Variants in NEMP2 observed in about 807,000 individuals in gnomAD.
NEMP2 encodes nuclear envelope integral membrane protein 2, also known as UPF0571 transmembrane protein.
A neutral mutation model predicts 54.2 loss-of-function variants in NEMP2; 53 were observed. The observed-to-expected ratio is 0.98, with a 90% CI of 0.78 to 1.23. The LOEUF (loss-of-function observed/expected upper bound fraction) is 1.23, where lower values mean the gene tolerates loss of function less well. Among genes scored for constraint, NEMP2 ranks in the 50% most tolerant of loss-of-function variants. The pLI is 0.00. For synonymous variants in NEMP2, 197 were observed against 190.3 expected, an observed-to-expected ratio of 1.04 and a Z score of -0.29; for missense variants, 455 against 511.3, an observed-to-expected ratio of 0.89 and a Z score of 1.06.
At chr2:190,436,174 A>G in the NEMP2 span, 1 of 1,614,098 alleles carries the variant, frequency 6.2e-7, no homozygotes, top group Non-Finnish European at 8.5e-7. The surrounding 1 kb of genome is among the most constrained non-coding windows in gnomAD (Gnocchi z 5.3). Flanking sequence ...AACATCTGCT[A>G]TTCCTGAGGA....
the NEMP2 span, among the ~76,000 whole-genome samples, chr2:190,471,787 GCCT>G: frequency 6.6e-6 from 1 of 152,232 alleles, no homozygotes; most frequent in Non-Finnish European, 1.5e-5. The surrounding 1 kb of genome is among the most constrained non-coding windows in gnomAD (Gnocchi z 4.7). Context: ...CAGACAGACT[GCCT>G]CCTCAAGTGG....
the NEMP2 span, among the ~76,000 whole-genome samples, chr2:190,443,828 GAGGATGTCTTGAGCCC>G: frequency 6.6e-6 from 1 of 152,202 alleles, no homozygotes; most frequent in Non-Finnish European, 1.5e-5. The surrounding 1 kb of genome is among the most constrained non-coding windows in gnomAD (Gnocchi z 4.2). Context: ...GCTGAGGCAG[GAGGATGTCTTGAGCCC>G]AGGAGTTCGA....
chr2:190,628,514 T>C, the NEMP2 span: 1 of 152,450 alleles, frequency 6.6e-6, no homozygotes, highest in South Asian at 2.1e-4. This position sits in a 1 kb window ranked among gnomAD's most constrained non-coding sequence, Gnocchi z 4.1. Context: ...CTCCAGTCTC[T>C]GTTATCTCAG....
the NEMP2 span, among the ~76,000 whole-genome samples, chr2:190,430,610 T>A: frequency 6.6e-6 from 1 of 152,114 alleles, no homozygotes; most frequent in Non-Finnish European, 1.5e-5. Flanking sequence ...TGCTTCTTTC[T>A]ACACAGACAC....
At chr2:190,447,384 A>G in the NEMP2 span, among the ~76,000 whole-genome samples, 2 of 152,204 alleles carry the variant, frequency 1.3e-5, no homozygotes, top group African/African-American at 2.4e-5. The surrounding 1 kb of genome is among the most constrained non-coding windows in gnomAD (Gnocchi z 4.5). Flanking sequence ...TTTTGTGCCA[A>G]CTAGAGAGCT....
the NEMP2 span, among the ~76,000 whole-genome samples, chr2:190,563,046 ACTAT>A: frequency 2.0e-5 from 3 of 152,250 alleles, no homozygotes; most frequent in East Asian, 5.8e-4. This position sits in a 1 kb window ranked among gnomAD's most constrained non-coding sequence, Gnocchi z 4.3. Flanking sequence ...ACACAAAATG[ACTAT>A]CTGTATGATA....
the NEMP2 span, among the ~76,000 whole-genome samples, chr2:190,480,454 T>G: frequency 2.6e-5 from 4 of 152,234 alleles, no homozygotes; most frequent in Non-Finnish European, 5.9e-5. Flanking sequence ...ATTAAGTATC[T>G]GAAGAAAATT....
the NEMP2 span, among the ~76,000 whole-genome samples, chr2:190,586,138 A>G: frequency 3.9e-5 from 6 of 152,286 alleles, no homozygotes; most frequent in Non-Finnish European, 7.3e-5. The surrounding 1 kb of genome is among the most constrained non-coding windows in gnomAD (Gnocchi z 4.5). Context: ...AAACATATTC[A>G]ATGCCTAAAT....
chr2:190,568,818 A>C, the NEMP2 span, among the ~76,000 whole-genome samples: 2 of 152,202 alleles, frequency 1.3e-5, no homozygotes, highest in African/African-American at 2.4e-5. This position sits in a 1 kb window ranked among gnomAD's most constrained non-coding sequence, Gnocchi z 4.7. Context: ...GCAAAACTCC[A>C]TCTCAAAACA....
the NEMP2 span, among the ~76,000 whole-genome samples, chr2:190,485,456 G>A: frequency 6.6e-6 from 1 of 151,924 alleles, no homozygotes; most frequent in African/African-American, 2.4e-5. This position sits in a 1 kb window ranked among gnomAD's most constrained non-coding sequence, Gnocchi z 5.1. Flanking sequence ...ATCTGTGTTG[G>A]ATTTTGCTAT....
chr2:190,627,693 A>G, the NEMP2 span, among the ~76,000 whole-genome samples: 1 of 152,030 alleles, frequency 6.6e-6, no homozygotes, highest in Admixed American at 6.5e-5. The surrounding 1 kb of genome is among the most constrained non-coding windows in gnomAD (Gnocchi z 4.4). Context: ...ATATTCCTGC[A>G]GAAAACTTAG....
the NEMP2 span, among the ~76,000 whole-genome samples, chr2:190,496,134 A>G: frequency 6.6e-6 from 1 of 151,962 alleles, no homozygotes; most frequent in African/African-American, 2.4e-5. The surrounding 1 kb of genome is among the most constrained non-coding windows in gnomAD (Gnocchi z 4.7). Flanking sequence ...AACTCAAACA[A>G]ATTAGCAAGA....
downstream of NEMP2, chr2:190,500,337 A>T (rs1211578766): frequency 1.0e-6 from 1 of 993,928 alleles, no homozygotes; most frequent in Non-Finnish European, 1.5e-6. This position sits in a 1 kb window ranked among gnomAD's most constrained non-coding sequence, Gnocchi z 5.3. Context: ...ATATGCTTCT[A>T]AATATCTAAA....
the NEMP2 span, among the ~76,000 whole-genome samples, chr2:190,428,572 T>G: frequency 4.0e-4 from 61 of 152,354 alleles, no homozygotes; most frequent in East Asian, 0.01. Flanking sequence ...CTGTTCAGCC[T>G]TCTAAATCCA....
chr2:190,636,053 C>T, the NEMP2 span, among the ~76,000 whole-genome samples: 8 of 152,114 alleles, frequency 5.3e-5, no homozygotes, highest in Non-Finnish European at 1.0e-4. Flanking sequence ...TTTGTAGAGA[C>T]GGGATCTCAT....
chr2:190,608,475 T>C, the NEMP2 span: 1 of 152,206 alleles, frequency 6.6e-6, no homozygotes, highest in Non-Finnish European at 1.5e-5. This position sits in a 1 kb window ranked among gnomAD's most constrained non-coding sequence, Gnocchi z 4.9. Context: ...CCATAGAGTA[T>C]GATAAGTGCT....
the NEMP2 span, among the ~76,000 whole-genome samples, chr2:190,637,716 T>C: frequency 6.6e-6 from 1 of 152,156 alleles, no homozygotes; most frequent in Non-Finnish European, 1.5e-5. This position sits in a 1 kb window ranked among gnomAD's most constrained non-coding sequence, Gnocchi z 4.5. Flanking sequence ...ACCAGAACCA[T>C]CACTCTTTCT....
the NEMP2 span, among the ~76,000 whole-genome samples, chr2:190,550,708 C>G: frequency 5.9e-5 from 9 of 152,256 alleles, no homozygotes; most frequent in African/African-American, 2.2e-4. The surrounding 1 kb of genome is among the most constrained non-coding windows in gnomAD (Gnocchi z 4.7). Context: ...ATGTTATGCT[C>G]TCTCTTAACT....
Position 190,521,559 on chromosome 2 carries a change from C to T in NEMP2, c.214-2376G>A, listed in dbSNP as rs1690750998. Reference sequence around the variant, plus strand: ...CTCCACTTTTCCCTCCAACTACCACCCATTTCTTTGCTTCTTGTTGCAATA... The same window carrying T: ...CTCCACTTTTCCCTCCAACTACCACTCATTTCTTTGCTTCTTGTTGCAATA... On this transcript the variant is annotated intron_variant, in intron 2 of 8. Coordinates refer to ENST00000409150, the MANE Select transcript of NEMP2 (RefSeq NM_001142645.2). This position sits in a 1 kb window ranked among gnomAD's most constrained non-coding sequence, Gnocchi z 6.2. 6.6e-6 allele frequency among the ~76,000 whole-genome samples: 1 copy of T among 152,184 alleles called. No homozygotes were observed. The highest frequency in any genetic ancestry group is 1.5e-5 in the Non-Finnish European group (1 of 68,026).
Sources: allele counts gnomAD v4.1 joint callset (sites outside exome capture counted in the v4.1 genomes callset), GRCh38; gene constraint gnomAD v4.1.1; non-coding constraint Gnocchi (gnomAD v3.1); transcripts MANE v1.5; gene names NCBI Gene and HGNC (gene_info 2026-07-23, HGNC 2026-07-21).